NME5: variants seen among roughly 807,000 people sequenced by gnomAD.
NME5 encodes the protein NME/NM23 family member 5, also known as nucleoside diphosphate kinase 5.
NME5 carries 18 observed loss-of-function variants against 21.6 expected under a neutral mutation model. The ratio of observed to expected loss-of-function variants is 0.83; its 90% CI spans 0.58 to 1.24. The LOEUF is 1.24. Among genes scored for constraint, NME5 ranks in the 50% most tolerant of loss-of-function variants. The probability of loss-of-function intolerance (pLI) is 0.00; values close to 1 mark genes in which losing one functional copy is unlikely to be tolerated. For synonymous variants in NME5, 70 were observed against 80.6 expected, an observed-to-expected ratio of 0.87 and a Z score of 0.71; for missense variants, 223 against 255.4, an observed-to-expected ratio of 0.87 and a Z score of 0.86.
chr5:138,120,419 T>C (rs1751262268), intron 4 of NME5, among the ~76,000 whole-genome samples: 1 of 151,962 alleles, frequency 6.6e-6, no homozygotes, highest in African/African-American at 2.4e-5. Context: ...TTGTATTTTT[T>C]AGTAGAGACG....
intron 4 of NME5, chr5:138,123,075 A>T (rs1250619877): frequency 6.6e-6 from 1 of 152,170 alleles, no homozygotes; most frequent in Non-Finnish European, 1.5e-5. Context: ...TCTTCTCTGT[A>T]TCGTTCCAAT....
chr5:138,121,136 G>C (rs1751277478), intron 4 of NME5, among the ~76,000 whole-genome samples: 1 of 151,436 alleles, frequency 6.6e-6, no homozygotes, highest in South Asian at 2.1e-4. Context: ...AGACCATCTG[G>C]GCAACAAAGC....
intron 2 of NME5, among the ~76,000 whole-genome samples, chr5:138,132,435 G>C (rs184418233): frequency 1.3e-5 from 2 of 152,234 alleles, no homozygotes; most frequent in Admixed American, 6.5e-5. Flanking sequence ...AAATATAACA[G>C]AGGGATTCAA....
chr5:138,135,846 C>T (rs899018918), intron 2 of NME5, among the ~76,000 whole-genome samples: 4 of 152,252 alleles, frequency 2.6e-5, no homozygotes, highest in Non-Finnish European at 4.4e-5. Flanking sequence ...ATGTTTATTT[C>T]CCCAGAATTC....
chr5:138,124,836 A>C (rs1751362633), intron 4 of NME5, among the ~76,000 whole-genome samples: 1 of 152,154 alleles, frequency 6.6e-6, no homozygotes, highest in Non-Finnish European at 1.5e-5. Flanking sequence ...TGAATAAATT[A>C]ATGAGAGAAT....
chr5:138,127,909 AG>A, intron 4 of NME5, among the ~76,000 whole-genome samples: 1 of 152,346 alleles, frequency 6.6e-6, no homozygotes, highest in African/African-American at 2.4e-5. Context: ...CTAATGCAAG[AG>A]AAAAGAAAGA....
chr5:138,133,535 A>G (rs536511332), intron 2 of NME5, among the ~76,000 whole-genome samples: 6 of 152,182 alleles, frequency 3.9e-5, no homozygotes, highest in Non-Finnish European at 7.4e-5. Context: ...AACACACCCG[A>G]TCTCATCTGA....
At chr5:138,125,378 G>A (rs1387710631) in intron 4 of NME5, among the ~76,000 whole-genome samples, 2 of 152,128 alleles carry the variant, frequency 1.3e-5, no homozygotes, top group Non-Finnish European at 2.9e-5. Context: ...AGGGAAAAGA[G>A]ACCAGCCTGG....
intron 5 of NME5, 125 bp downstream of exon 5, chr5:138,118,693 C>G: frequency 3.6e-6 from 2 of 562,002 alleles, no homozygotes; most frequent in South Asian, 4.0e-5. Flanking sequence ...CCATGTTAGT[C>G]AGGCTGGTCT....
chr5:138,130,580 G>A (rs1167879985), intron 2 of NME5, among the ~76,000 whole-genome samples: 1 of 152,130 alleles, frequency 6.6e-6, no homozygotes, highest in Admixed American at 6.5e-5. Flanking sequence ...CTTGAGGTCA[G>A]GGGTTCGAGA....
At chr5:138,136,712 G>A (rs1751706046) in intron 2 of NME5, among the ~76,000 whole-genome samples, 1 of 151,664 alleles carries the variant, frequency 6.6e-6, no homozygotes, top group African/African-American at 2.4e-5. Flanking sequence ...GCACGATCTC[G>A]GCTCACGGCA....
At chr5:138,117,317 T>C (rs1441872477) in intron 5 of NME5, among the ~76,000 whole-genome samples, 1 of 150,306 alleles carries the variant, frequency 6.7e-6, no homozygotes, top group African/African-American at 2.4e-5. Flanking sequence ...TTCTTAGACA[T>C]GACATCAAAA....
chr5:138,127,407 A>G, intron 4 of NME5: 2 of 922,792 alleles, frequency 2.2e-6, no homozygotes, highest in South Asian at 1.0e-4. Flanking sequence ...AATCTCCAAA[A>G]AAAAGAAAAA....
chr5:138,115,801 A>G (rs1431921293), intron 5 of NME5, 37 bp from the exon 6 acceptor site: 21 of 1,412,258 alleles, frequency 1.5e-5, no homozygotes, highest in Admixed American at 2.3e-5. Context: ...GTTAAGAAAC[A>G]GTTACATATT....
At position 138,129,584 on chromosome 5, in the gene NME5, T is replaced by C. The variant is rs1751512409; in HGVS notation, c.130-116A>G. ...TCTGATTATAACTTCAAGGTTTATC[T>C]TTGTATTATGAAGAAAGAAAAGGAT... On this transcript the variant is annotated intron_variant, in intron 2 of 5. Transcript: ENST00000265191. 4 of 685,966 alleles carry C rather than the reference T, an allele frequency of 5.8e-6. No homozygotes were observed. The Admixed American group carries it at 1.1e-4, about 19-fold the overall frequency. The allele number at this position is 685,966 out of a possible 1,614,324, so 42.5% of individuals were successfully genotyped here. A position where few individuals can be genotyped will look rare whatever the true frequency, so the allele number is the denominator to read the frequency against.
chr5:138,135,030 CT>C (rs1411164871), intron 2 of NME5, among the ~76,000 whole-genome samples: 4 of 147,352 alleles, frequency 2.7e-5, no homozygotes, highest in African/African-American at 7.4e-5. Flanking sequence ...AAAATATGGA[CT>C]TTTTTGGCCG....
At chr5:138,131,684 C>T (rs1014629267) in intron 2 of NME5, among the ~76,000 whole-genome samples, 6 of 151,772 alleles carry the variant, frequency 4.0e-5, no homozygotes, top group Non-Finnish European at 2.9e-5. Context: ...ATCATGGTAG[C>T]TCAGTCTAAT....
chr5:138,127,844 A>G (rs886772557), intron 4 of NME5: 2 of 197,704 alleles, frequency 1.0e-5, no homozygotes, highest in Non-Finnish European at 1.8e-5. Flanking sequence ...TGTGTCACAA[A>G]CTCTACTGAA....
At chr5:138,128,431 G>T in intron 4 of NME5, 48 bp downstream of exon 4, 1 of 1,343,714 alleles carries the variant, frequency 7.4e-7, no homozygotes, top group Non-Finnish European at 1.0e-6. Flanking sequence ...AAAAGAAAAA[G>T]CAAACAATAA....
Sources: gnomAD v4.1 joint callset for allele counts (sites outside exome capture counted in the v4.1 genomes callset) on GRCh38, gnomAD v4.1.1 for gene constraint, MANE v1.5 for transcripts, NCBI Gene and HGNC (gene_info 2026-07-23, HGNC 2026-07-21) for gene names.